RBMS2: variants seen among roughly 807,000 people sequenced by gnomAD.
RBMS2 encodes the protein RNA-binding motif, single-stranded-interacting protein 2.
RBMS2 carries 38 observed loss-of-function variants against 58.4 expected under a neutral mutation model. The ratio of observed to expected loss-of-function variants is 0.65; its 90% confidence interval spans 0.50 to 0.85. The LOEUF is 0.85. Ranked by LOEUF, RBMS2 falls within the 40% of genes least tolerant of loss-of-function variation. RBMS2 has a pLI of 0.00. For missense variants in RBMS2, 367 were observed against 503.7 expected, an observed-to-expected ratio of 0.73 and a Z score of 2.60; for synonymous variants, 151 against 180.7, an observed-to-expected ratio of 0.84 and a Z score of 1.32.
rs58534515 is a variant in RBMS2 at position 56,538,466 on chromosome 12, C to CT, written c.66+16404dup. ...AGATTGCTTTGAGTAGTACTGATAT[C>CT]TTTTTTTTTTTTTTTTTTTTTTTTT... On this transcript the variant is annotated intron_variant, in intron 1 of 13. Transcript: ENST00000262031. Among the ~76,000 whole-genome samples the CT allele has an allele frequency of 3.5e-3, 254 of 72,500 alleles. 19 individuals carry two copies. The highest frequency in any genetic ancestry group is 0.012 in the African/African-American group (221 of 19,014). The allele number at this position is 72,500 out of a possible 152,430, so 47.6% of individuals were successfully genotyped here.
Position 56,586,890 on chromosome 12 carries a change from C to T in RBMS2, c.915C>T (p.Ser305=). The T allele has an allele frequency of 6.2e-7, 1 of 1,613,984 alleles. No homozygotes were observed. The highest frequency in any genetic ancestry group is 2.2e-5 in the East Asian group (1 of 44,884). ...CTCCTCTACAAGTACCTAACCCATC[C>T]TGGATGCACCACCATTCATACCTCA... is the stretch of plus-strand genomic sequence containing the variant. ...QTSPLQVPNP[S]WMHHHSYLMQ... Residue 305 remains serine (S), a synonymous_variant, in exon 10 of 14, where the codon TCC becomes TCT. Transcript: ENST00000262031.
chr12:56,539,618 C>G (rs1875693882), intron 1 of RBMS2: 1 of 415,246 alleles, frequency 2.4e-6, no homozygotes, highest in Non-Finnish European at 4.7e-6. Context: ...ACCTTGTTTT[C>G]TTAGTTTTAT....
At position 56,569,011 on chromosome 12, in the gene RBMS2, C is replaced by A; in HGVS notation, c.270C>A (p.Asp90Glu). ...GKIVSTKAILDKTTNKCKGYG... is the reference protein window; with the variant it reads ...GKIVSTKAILEKTTNKCKGYG... ...TTGTTTCCACTAAGGCCATACTGGA[C>A]AAGACCACAAACAAATGTAAAGGTG... The change falls in exon 3 of 14, where the codon GAC becomes GAA. Residue 90 changes from aspartate to glutamate, a missense_variant. This residue lies in a region of RBMS2 where 93 missense variants were observed against 132.2 expected (regional missense o/e 0.70). Transcript: ENST00000262031. The A allele has an allele frequency of 6.2e-7, 1 of 1,613,186 alleles. No homozygotes were observed. The highest frequency in any genetic ancestry group is 1.6e-4 in the Middle Eastern group (1 of 6,062).
chr12:56,582,092 C>G lies in RBMS2; in HGVS notation c.813C>G (p.Asn271Lys). 1 of 1,613,548 alleles carries G rather than the reference C, an allele frequency of 6.2e-7. No individual in the cohort carries two copies. Among genetic ancestry groups the G allele is most frequent in the Non-Finnish European group, 8.5e-7 (1 of 1,179,524 alleles). ...FYPAPYNITP[N>K]RMLAQSALSP... is the part of the protein sequence containing the mutation. ...CAGCCCCCTATAACATCACCCCCAA[C>G]AGGATGCTTGCTCAGTCTGCACTCT... The change falls in exon 9 of 14, where the codon AAC (asparagine) becomes AAG (lysine). Residue 271 changes from asparagine (N) to lysine (K), a missense_variant. By Grantham distance (94) the Asn-to-Lys change is moderately conservative. Transcript: ENST00000262031.
At chr12:56,578,182 A>G (rs766927723) in intron 5 of RBMS2, among the ~76,000 whole-genome samples, 6 of 151,810 alleles carry the variant, frequency 4.0e-5, no homozygotes, top group Admixed American at 6.6e-5. Context: ...AGGCTGGATT[A>G]CAGTGGTGTG....
chr12:56,522,426 T>G (rs1361880277), intron 1 of RBMS2, among the ~76,000 whole-genome samples: 6 of 152,116 alleles, frequency 3.9e-5, no homozygotes, highest in Admixed American at 6.6e-5. Context: ...TCAGACCCTG[T>G]CCCCCAGTCC....
intron 1 of RBMS2, among the ~76,000 whole-genome samples, chr12:56,536,543 C>T (rs1330508242): frequency 1.3e-5 from 2 of 150,118 alleles, no homozygotes; most frequent in Non-Finnish European, 3.0e-5. Context: ...CTCTCTTTCT[C>T]TCCTTCTCTC....
intron 1 of RBMS2, among the ~76,000 whole-genome samples, chr12:56,546,805 C>A (rs1877333157): frequency 6.6e-6 from 1 of 152,098 alleles, no homozygotes; most frequent in Non-Finnish European, 1.5e-5. Context: ...TAGGTGTATA[C>A]CTAGCAGTGG....
intron 2 of RBMS2, among the ~76,000 whole-genome samples, chr12:56,565,613 A>G (rs985350935): frequency 1.3e-5 from 2 of 152,156 alleles, no homozygotes; most frequent in African/African-American, 4.8e-5. Context: ...TGAGGCAGGA[A>G]TGAAAGAGGT....
chr12:56,547,641 A>ACTTTT (rs928099376), intron 1 of RBMS2, among the ~76,000 whole-genome samples: 19 of 146,018 alleles, frequency 1.3e-4, no homozygotes, highest in African/African-American at 4.7e-4. Flanking sequence ...TTGTTCTGCT[A>ACTTTT]CTTTTCTTTT....
chr12:56,527,877 TA>T (rs1230226812), intron 1 of RBMS2: 3 of 151,834 alleles, frequency 2.0e-5, no homozygotes, highest in African/African-American at 7.3e-5. Flanking sequence ...GAATATGCAA[TA>T]TGCAATATAA....
At chr12:56,523,678 T>G (rs564799781) in intron 1 of RBMS2, among the ~76,000 whole-genome samples, 1 of 152,276 alleles carries the variant, frequency 6.6e-6, no homozygotes, top group South Asian at 2.1e-4. Flanking sequence ...GAGAATCACT[T>G]GAACCTGGGG....
At chr12:56,564,174 A>G (rs1459982007) in intron 2 of RBMS2, among the ~76,000 whole-genome samples, 1 of 151,448 alleles carries the variant, frequency 6.6e-6, no homozygotes, top group Admixed American at 6.6e-5. Context: ...CTGGTCTCGA[A>G]CTCCTGACCA....
chr12:56,584,638 AGCCGGGCATGG>A (rs1161429059), intron 9 of RBMS2, among the ~76,000 whole-genome samples: 109 of 151,848 alleles, frequency 7.2e-4, no homozygotes, highest in African/African-American at 2.6e-3. Context: ...ACAAAAAATT[AGCCGGGCATGG>A]TGGTGGGCAC....
upstream of RBMS2, among the ~76,000 whole-genome samples, chr12:56,521,347 G>A (rs534678322): frequency 2.0e-5 from 3 of 150,434 alleles, no homozygotes; most frequent in East Asian, 3.9e-4. Context: ...GGAGAATTGC[G>A]GAAGGTGGAG....
chr12:56,522,099 A>T lies in RBMS2; in HGVS notation c.66+10A>T. The T allele has an allele frequency of 6.3e-7, 1 of 1,581,482 alleles. No homozygotes were observed. Among genetic ancestry groups the T allele is most frequent in the Non-Finnish European group, 8.7e-7 (1 of 1,153,198 alleles). The stretch of plus-strand genomic sequence containing the variant: ...TAGAAACAACAAGAAGGTAGGGAAA[A>T]GCGCTTTTTTGGTATCTAGCTACTT... On this transcript the variant is annotated intron_variant, in intron 1 of 13. Coordinates refer to ENST00000262031, the MANE Select transcript of RBMS2 (RefSeq NM_002898.4).
intron 1 of RBMS2, among the ~76,000 whole-genome samples, chr12:56,541,934 C>A (rs1166044033): frequency 6.6e-6 from 1 of 152,110 alleles, no homozygotes. Context: ...AAGATGATAA[C>A]AATCCAGAGA....
chr12:56,568,997 A>T lies in RBMS2; in HGVS notation c.256A>T (p.Lys86Ter). 1 of 1,613,154 alleles carries T rather than the reference A, an allele frequency of 6.2e-7. No homozygotes were observed. The highest frequency in any genetic ancestry group is 8.5e-7 in the Non-Finnish European group (1 of 1,179,096). ...TAGATATGGCAAGATTGTTTCCACT[A>T]AGGCCATACTGGACAAGACCACAAA... ...CQPYGKIVST[K>*]AILDKTTNKC... Residue 86 changes from lysine to a stop codon, truncating the protein, a stop_gained, in exon 3 of 14, where the codon AAG (lysine) becomes TAG (stop). Coordinates refer to ENST00000262031, the MANE Select transcript of RBMS2 (RefSeq NM_002898.4). LOFTEE classifies it high-confidence loss of function.
intron 1 of RBMS2, among the ~76,000 whole-genome samples, chr12:56,523,102 G>A (rs1406458451): frequency 1.3e-5 from 2 of 152,162 alleles, no homozygotes; most frequent in Non-Finnish European, 2.9e-5. Context: ...TCAATGCAGT[G>A]GGTAAATGTT....
Sources: allele counts gnomAD v4.1 joint callset (sites outside exome capture counted in the v4.1 genomes callset), GRCh38; gene constraint gnomAD v4.1.1; regional missense constraint gnomAD v4.1.1; transcripts MANE v1.5; gene names NCBI Gene and HGNC (gene_info 2026-07-23, HGNC 2026-07-21).